The following SYNJ1 variants were observed in gnomAD, a reference collection of about 807,000 sequenced individuals.
SYNJ1 encodes synaptojanin 1, also known as polyphosphatidylinositol phosphatase SYNJ1.
A neutral mutation model predicts 168.2 loss-of-function variants in SYNJ1; 78 were observed. The observed-to-expected ratio is 0.46, with a 90% CI of 0.39 to 0.56. SYNJ1 has a LOEUF of 0.56. SYNJ1 is among the 20% of genes least tolerant of loss of function. The pLI is 0.00. For synonymous variants in SYNJ1, 539 were observed against 548.6 expected, an observed-to-expected ratio of 0.98 and a Z score of 0.24; for missense variants, 1,303 against 1,597.6, an observed-to-expected ratio of 0.82 and a Z score of 3.14.
rs2039223199 is a variant in SYNJ1 at position 32,628,987 on chromosome 21, A to C, written c.*2818T>G. On this transcript the variant is annotated 3_prime_UTR_variant, in exon 33 of 33. Coordinates refer to ENST00000674351, the MANE Select transcript of SYNJ1 (RefSeq NM_203446.3). ...GTCTAACTTCTGCTCTGCTTTTAAC[A>C]GAACTAGTAAATATTTAATAATACA... is the stretch of plus-strand genomic sequence containing the variant. The C allele has an allele frequency of 6.5e-6, 1 of 152,696 alleles. No homozygotes were observed. Among genetic ancestry groups the C allele is most frequent in the South Asian group, 2.1e-4 (1 of 4,836 alleles). The allele number at this position is 152,696 out of a possible 1,614,324, so 9.5% of individuals were successfully genotyped here.
intron 18 of SYNJ1, among the ~76,000 whole-genome samples, chr21:32,662,034 T>C (rs980609759): frequency 4.7e-4 from 72 of 152,052 alleles, no homozygotes; most frequent in African/African-American, 1.7e-3. Flanking sequence ...CCTCACACCA[T>C]CATCCTGACC....
rs61750220 is a variant in SYNJ1 at position 32,638,903 on chromosome 21, C to T, written c.3915+5G>A. The T allele has an allele frequency of 6.3e-7, 1 of 1,588,428 alleles. No homozygotes were observed. The highest frequency in any genetic ancestry group is 1.8e-5 in the Admixed American group (1 of 56,616). ...ATAATATTTTGTGTAACAAATGAGA[C>T]TTACTTGCGGTTGTGAGGAAGCTTC... On this transcript the variant is annotated splice_donor_5th_base_variant and intron_variant, in intron 31 of 32. Transcript: ENST00000674351.
At position 32,701,939 on chromosome 21, in the gene SYNJ1, T is replaced by C. The variant is rs368247058; in HGVS notation, c.211+22A>G. ...AAATAGAAATGAAAAAATGGATGAA[T>C]TCTACTGAATGATAAACTTACCAAG... On this transcript the variant is annotated intron_variant, in intron 3 of 32. Coordinates refer to ENST00000674351, the MANE Select transcript of SYNJ1 (RefSeq NM_203446.3). The C allele has an allele frequency of 2.2e-5, 32 of 1,487,134 alleles. No individual in the cohort carries two copies. The African/African-American group carries it at 4.0e-4, about 19-fold the overall frequency. The allele number at this position is 1,487,134 out of a possible 1,614,324, so 92.1% of individuals were successfully genotyped here.
chr21:32,728,074 C>T, upstream of SYNJ1: 1 of 1,520,620 alleles, frequency 6.6e-7, no homozygotes, highest in Non-Finnish European at 8.8e-7. Flanking sequence ...ATCCGCCCCG[C>T]GCGAGGGAAG....
chr21:32,634,822 G>A lies in SYNJ1; in HGVS notation c.*3+39C>T, dbSNP rs370848554. ...ATTCATACATCTAATGTGTTGAGAC[G>A]GATGAAAACACATGTAAGATTGATA... On this transcript the variant is annotated intron_variant, in intron 32 of 32. Coordinates refer to ENST00000674351, the MANE Select transcript of SYNJ1 (RefSeq NM_203446.3). 1.4e-4 allele frequency: 228 copies of A among 1,608,004 alleles called. No individual in the cohort carries two copies. In the African/African-American group the frequency reaches 2.5e-3, roughly 18 times the overall value.
chr21:32,725,553 C>A (rs1399840498), intron 2 of SYNJ1, among the ~76,000 whole-genome samples: 1 of 152,122 alleles, frequency 6.6e-6, no homozygotes, highest in African/African-American at 2.4e-5. Flanking sequence ...TAAGACTTTT[C>A]ATTATGTCAC....
At chr21:32,720,487 A>G (rs1156801063) in intron 2 of SYNJ1, among the ~76,000 whole-genome samples, 1 of 152,226 alleles carries the variant, frequency 6.6e-6, no homozygotes, top group Non-Finnish European at 1.5e-5. Context: ...TGAGTATTAT[A>G]TATAGTATTA....
At chr21:32,636,212 G>A (rs1601217210) in intron 31 of SYNJ1, among the ~76,000 whole-genome samples, 1 of 152,080 alleles carries the variant, frequency 6.6e-6, no homozygotes, top group Non-Finnish European at 1.5e-5. Context: ...CAGTGAGTTC[G>A]GTTCCTTTAC....
chr21:32,643,160 A>G (rs2039914864), intron 27 of SYNJ1, among the ~76,000 whole-genome samples: 1 of 152,228 alleles, frequency 6.6e-6, no homozygotes, highest in Non-Finnish European at 1.5e-5. Flanking sequence ...TATAAACTAT[A>G]TATGAAACAG....
At chr21:32,670,178 C>T (rs915161878) in intron 15 of SYNJ1, 110 bp downstream of exon 15, 9 of 825,880 alleles carry the variant, frequency 1.1e-5, no homozygotes, top group Admixed American at 5.2e-5. Context: ...TTTACGAGCA[C>T]CCTTCCATTT....
chr21:32,656,037 T>C (rs1204705212), intron 21 of SYNJ1, among the ~76,000 whole-genome samples: 1 of 152,236 alleles, frequency 6.6e-6, no homozygotes, highest in East Asian at 1.9e-4. Flanking sequence ...AATCACAGCT[T>C]CATTTTGTTA....
chr21:32,725,401 A>G (rs1477396715), intron 2 of SYNJ1, among the ~76,000 whole-genome samples: 1 of 152,200 alleles, frequency 6.6e-6, no homozygotes, highest in East Asian at 1.9e-4. Flanking sequence ...AATACAAAAA[A>G]CAACTTGAAG....
In SYNJ1 at chr21:32,673,379, G is replaced by C; in HGVS notation, c.1687C>G (p.Leu563Val). The C allele has an allele frequency of 1.2e-6, 2 of 1,612,326 alleles. No individual in the cohort carries two copies. Among genetic ancestry groups the C allele is most frequent in the Non-Finnish European group, 1.7e-6 (2 of 1,179,302 alleles). ...ATGCCAGCTAACTTGGGTGCATCAA[G>C]AAGCCAGTCAGTGAGTGTCTGATTC... ...FKNQTLTDWLLDAPKLAGIQE... is the reference protein window; with the variant it reads ...FKNQTLTDWLVDAPKLAGIQE... The change falls in exon 14 of 33, where the codon CTT (leucine) becomes GTT (valine). Residue 563 changes from leucine (L) to valine (V), a missense_variant. Transcript: ENST00000674351.
chr21:32,710,664 A>G (rs138100927), intron 2 of SYNJ1, among the ~76,000 whole-genome samples: 10 of 152,298 alleles, frequency 6.6e-5, no homozygotes, highest in African/African-American at 2.2e-4. Flanking sequence ...TGCTGGGATT[A>G]TAAGTGTGAG....
chr21:32,630,894 G>C lies in SYNJ1; in HGVS notation c.*911C>G. The C allele has an allele frequency of 1.8e-6, 2 of 1,115,012 alleles. No homozygotes were observed. Among genetic ancestry groups the C allele is most frequent in the Non-Finnish European group, 2.5e-6 (2 of 788,352 alleles). The allele number at this position is 1,115,012 out of a possible 1,614,324, so 69.1% of individuals were successfully genotyped here. A position where few individuals can be genotyped will look rare whatever the true frequency, so the allele number is the denominator to read the frequency against. ...AGTGGTGTTTTGTGAAGATATCAGT[G>C]CACTTACAATGACTTATTGCACATA... On this transcript the variant is annotated 3_prime_UTR_variant, in exon 33 of 33. Coordinates refer to ENST00000674351, the MANE Select transcript of SYNJ1 (RefSeq NM_203446.3).
At chr21:32,636,222 C>T (rs2833927) in intron 31 of SYNJ1, among the ~76,000 whole-genome samples, 4,885 of 152,254 alleles carry the variant, frequency 0.032, 84 homozygotes, top group Middle Eastern at 0.037. Context: ...GGTTCCTTTA[C>T]TTCCAGTTGC....
Position 32,641,931 on chromosome 21 carries a change from C to A in SYNJ1, c.3553G>T (p.Gly1185Cys), listed in dbSNP as rs1462557236. 1 of 1,613,722 alleles carries A rather than the reference C, an allele frequency of 6.2e-7. No individual in the cohort carries two copies. Among genetic ancestry groups the A allele is most frequent in the Non-Finnish European group, 8.5e-7 (1 of 1,179,876 alleles). The change falls in exon 29 of 33, where the codon GGC becomes TGC. Residue 1185 changes from glycine to cysteine, a missense_variant. By Grantham distance (159) the Gly-to-Cys change is radical. Coordinates refer to ENST00000674351, the MANE Select transcript of SYNJ1 (RefSeq NM_203446.3). ...GTACTGTATCCAGCAGGTCCTGGGC[C>A]TGCAAGTCCTGCTTGAGGTGAAGGC... is the stretch of plus-strand genomic sequence containing the variant. The part of the protein sequence containing the change: ...SQPSPQAGLA[G>C]PGPAGYSTAR...
intron 6 of SYNJ1, among the ~76,000 whole-genome samples, chr21:32,693,656 G>A (rs2146160219): frequency 6.6e-6 from 1 of 152,214 alleles, no homozygotes; most frequent in Admixed American, 6.5e-5. Context: ...GTCAACAATA[G>A]TTAACCCTTA....
intron 22 of SYNJ1, among the ~76,000 whole-genome samples, chr21:32,652,919 T>G (rs2040326194): frequency 6.6e-6 from 1 of 152,236 alleles, no homozygotes; most frequent in Non-Finnish European, 1.5e-5. Context: ...CCTCTCTCCC[T>G]TGTTTTCTGG....
Sources: gnomAD v4.1 joint callset for allele counts (sites outside exome capture counted in the v4.1 genomes callset) on GRCh38, gnomAD v4.1.1 for gene constraint, MANE v1.5 for transcripts, NCBI Gene and HGNC (gene_info 2026-07-23, HGNC 2026-07-21) for gene names.